EXPH5: variants seen among roughly 807,000 people sequenced by gnomAD.
EXPH5 encodes exophilin 5.
EXPH5 carries 42 observed loss-of-function variants against 41.1 expected under a neutral mutation model. That is an observed-to-expected ratio of 1.02 (90% CI 0.80 to 1.32). EXPH5 has a LOEUF of 1.32. Among genes scored for constraint, EXPH5 ranks in the 40% most tolerant of loss-of-function variants. EXPH5 has a pLI of 0.00. For missense variants in EXPH5, 2,298 were observed against 2,314.5 expected (o/e 0.99, Z 0.15); for synonymous variants, 798 against 833.5 (o/e 0.96, Z 0.73).
At chr11:108,581,798 C>A (rs994473637) in intron 1 of EXPH5, among the ~76,000 whole-genome samples, 1 of 151,902 alleles carries the variant, frequency 6.6e-6, no homozygotes, top group African/African-American at 2.4e-5. Context: ...ATTATCAATA[C>A]CAGGAATGAA....
In EXPH5 at chr11:108,511,280, T is replaced by C. The variant is rs1406215454; in HGVS notation, c.4227A>G (p.Lys1409=). Residue 1409 remains lysine (K), a synonymous_variant, in exon 6 of 6, where the codon AAA becomes AAG. Transcript: ENST00000265843. The part of the protein sequence containing the change: ...MLQRKNVSEE[K]SENCQQSINS... ...TAATGGATTGTTGACAATTTTCAGA[T>C]TTTTCTTCGGATACATTTTTTCTCT... 6.2e-7 allele frequency: 1 copy of C among 1,605,176 alleles called. No individual in the cohort carries two copies.
intron 1 of EXPH5, among the ~76,000 whole-genome samples, chr11:108,556,851 G>A (rs2093992240): frequency 6.6e-6 from 1 of 152,132 alleles, no homozygotes; most frequent in African/African-American, 2.4e-5. Flanking sequence ...CCCTCCAGCA[G>A]CTTCTCATCA....
chr11:108,533,716 T>C (rs2136005634), intron 3 of EXPH5, among the ~76,000 whole-genome samples: 1 of 152,302 alleles, frequency 6.6e-6, no homozygotes, highest in East Asian at 1.9e-4. Context: ...TTGTGAGCAT[T>C]GTAGGATGTT....
At chr11:108,577,026 T>C (rs75998482) in intron 1 of EXPH5, among the ~76,000 whole-genome samples, 76 of 152,362 alleles carry the variant, frequency 5.0e-4, no homozygotes, top group Admixed American at 3.3e-3. Context: ...ATATAATATC[T>C]TCCAGTTCCA....
Position 108,512,372 on chromosome 11 carries a change from C to T in EXPH5, c.3135G>A (p.Leu1045=). The T allele has an allele frequency of 1.2e-6, 2 of 1,609,856 alleles. No homozygotes were observed. The highest frequency in any genetic ancestry group is 8.5e-7 in the Non-Finnish European group (1 of 1,178,478). The part of the protein sequence containing the change: ...QSGSKIMAAS[L]RNGPPPFQIK... ...TTTGGAAGGGAGGTGGCCCATTCCT[C>T]AATGAAGCAGCCATTATTTTACTTC... is the stretch of plus-strand genomic sequence containing the variant. The change falls in exon 6 of 6, where the codon TTG becomes TTA. Residue 1045 remains leucine, a synonymous_variant. Coordinates refer to ENST00000265843, the MANE Select transcript of EXPH5 (RefSeq NM_015065.3).
Position 108,508,434 on chromosome 11 carries a change from G to C in EXPH5, c.*1103C>G, listed in dbSNP as rs2093656099. ...AGGCAGGAGAATCGCTTGAACCCGGGAGGCGGAGGTTGCAGTGAGCCCAGA... is the reference window on the plus strand; with the variant it reads ...AGGCAGGAGAATCGCTTGAACCCGGCAGGCGGAGGTTGCAGTGAGCCCAGA... On this transcript the variant is annotated 3_prime_UTR_variant, in exon 6 of 6. Transcript: ENST00000265843. The C allele has an allele frequency of 6.5e-6, 1 of 152,714 alleles. No individual in the cohort carries two copies. The highest frequency in any genetic ancestry group is 2.4e-5 in the African/African-American group (1 of 41,462). The allele number at this position is 152,714 out of a possible 1,614,324, so 9.5% of individuals were successfully genotyped here. A position where few individuals can be genotyped will look rare whatever the true frequency, so the allele number is the denominator to read the frequency against.
At position 108,510,491 on chromosome 11, in the gene EXPH5, A is replaced by G; in HGVS notation, c.5016T>C (p.Leu1672=). ...TGTTGGGTAGTACAGTAATGGGGAG[A>G]AGGTTCTCGGATTTCTTCACATGCT... ...NGKHVKKSEN[L]LPITVLPNRE... The change falls in exon 6 of 6, where the codon CTT becomes CTC. Residue 1672 remains leucine, a synonymous_variant. Transcript: ENST00000265843. 1 of 1,613,882 alleles carries G rather than the reference A, an allele frequency of 6.2e-7. No homozygotes were observed. The highest frequency in any genetic ancestry group is 8.5e-7 in the Non-Finnish European group (1 of 1,180,000).
chr11:108,511,592 C>T lies in EXPH5; in HGVS notation c.3915G>A (p.Gln1305=). The T allele has an allele frequency of 6.2e-7, 1 of 1,613,698 alleles. No homozygotes were observed. Among genetic ancestry groups the T allele is most frequent in the East Asian group, 2.2e-5 (1 of 44,882 alleles). The part of the protein sequence containing the change: ...KDKQNYSTRE[Q]SGTPSCENLK... ...GATTTTCACATGAAGGTGTTCCTGACTGCTCTCGTGTAGAATAATTCTGTT... is the reference window on the plus strand; with the variant it reads ...GATTTTCACATGAAGGTGTTCCTGATTGCTCTCGTGTAGAATAATTCTGTT... The change falls in exon 6 of 6, where the codon CAG becomes CAA. Residue 1305 remains glutamine, a synonymous_variant. Coordinates refer to ENST00000265843, the MANE Select transcript of EXPH5 (RefSeq NM_015065.3).
At chr11:108,593,016 G>A (rs1277663461) in intron 1 of EXPH5, among the ~76,000 whole-genome samples, 1 of 152,238 alleles carries the variant, frequency 6.6e-6, no homozygotes, top group African/African-American at 2.4e-5. Context: ...GTGCGCGCGG[G>A]CCGCGGAGTG....
the EXPH5 span, among the ~76,000 whole-genome samples, chr11:108,603,011 G>T: frequency 6.6e-6 from 1 of 152,122 alleles, no homozygotes; most frequent in Non-Finnish European, 1.5e-5. Flanking sequence ...GTGAATTCTT[G>T]TGAGATCTGA....
At chr11:108,571,069 G>A (rs1331262064) in intron 1 of EXPH5, among the ~76,000 whole-genome samples, 4 of 152,244 alleles carry the variant, frequency 2.6e-5, no homozygotes, top group Non-Finnish European at 5.9e-5. Flanking sequence ...GTCTAAGGAA[G>A]AAGCTGGAGC....
At position 108,593,606 on chromosome 11, in the gene EXPH5, G is replaced by C; in HGVS notation, c.-70C>G. The C allele has an allele frequency of 4.3e-6, 7 of 1,611,654 alleles. No homozygotes were observed. The highest frequency in any genetic ancestry group is 5.9e-6 in the Non-Finnish European group (7 of 1,178,894). On this transcript the variant is annotated 5_prime_UTR_variant, in exon 1 of 6. Coordinates refer to ENST00000265843, the MANE Select transcript of EXPH5 (RefSeq NM_015065.3). ...CTGTTAGGAAGGCATTTTTCAACCT[G>C]TACAAGACCAGTTTCACGAACTTGA...
At chr11:108,535,327 A>G (rs1345988225) in intron 3 of EXPH5, among the ~76,000 whole-genome samples, 1 of 152,226 alleles carries the variant, frequency 6.6e-6, no homozygotes, top group Admixed American at 6.5e-5. Flanking sequence ...ACCCAGGATA[A>G]AACTTAAAAC....
intron 1 of EXPH5, among the ~76,000 whole-genome samples, chr11:108,542,963 C>T (rs1050580964): frequency 3.3e-5 from 5 of 152,124 alleles, no homozygotes; most frequent in Non-Finnish European, 7.4e-5. Flanking sequence ...TAGTGATCCC[C>T]CTGCCTTGAC....
intron 1 of EXPH5, 90 bp downstream of exon 1, chr11:108,593,328 G>A (rs2094132836): frequency 1.7e-6 from 2 of 1,158,336 alleles, no homozygotes; most frequent in African/African-American, 3.1e-5. Context: ...CCCCGGGCAG[G>A]TGCCCCGCGC....
rs749119683 is a variant in EXPH5 at position 108,510,797 on chromosome 11, A to C, written c.4710T>G (p.Pro1570=). The C allele has an allele frequency of 3.1e-6, 5 of 1,613,990 alleles. No individual in the cohort carries two copies. The East Asian group carries it at 1.1e-4, about 36-fold the overall frequency. ...AGTTGGTTTTATTTTTGTTTCCTTC[A>C]GGAAGTGAAGGTTGATCCCAAGCTG... ...QKSAWDQPSL[P]EGNKNKTNLD... is the part of the protein sequence containing the mutation. The change falls in exon 6 of 6, where the codon CCT becomes CCG. Residue 1570 remains proline, a synonymous_variant. Coordinates refer to ENST00000265843, the MANE Select transcript of EXPH5 (RefSeq NM_015065.3).
chr11:108,533,064 A>T (rs2093853913), intron 3 of EXPH5, among the ~76,000 whole-genome samples: 1 of 152,162 alleles, frequency 6.6e-6, no homozygotes, highest in Non-Finnish European at 1.5e-5. Context: ...ATTCATTCTT[A>T]CCTGTACGAC....
chr11:108,597,708 G>T (rs887620309), upstream of EXPH5, among the ~76,000 whole-genome samples: 5 of 152,086 alleles, frequency 3.3e-5, no homozygotes, highest in Admixed American at 6.6e-5. Context: ...GTGTAACATT[G>T]TTCTGGTAGT....
intron 1 of EXPH5, among the ~76,000 whole-genome samples, chr11:108,548,203 T>C (rs1182539737): frequency 2.0e-5 from 3 of 149,356 alleles, no homozygotes; most frequent in African/African-American, 4.9e-5. Flanking sequence ...ATTTTTCTTA[T>C]GTGTTTTAAA....
Sources: allele counts gnomAD v4.1 joint callset (sites outside exome capture counted in the v4.1 genomes callset), GRCh38; gene constraint gnomAD v4.1.1; transcripts MANE v1.5; gene names NCBI Gene and HGNC (gene_info 2026-07-23, HGNC 2026-07-21).